The following HKDC1 variants were observed in gnomAD, a reference collection of about 807,000 sequenced individuals.
HKDC1 encodes hexokinase HKDC1.
HKDC1 carries 66 observed loss-of-function variants against 96.6 expected under a neutral mutation model. The observed-to-expected ratio is 0.68, with a 90% CI of 0.56 to 0.84. The LOEUF (loss-of-function observed/expected upper bound fraction) is 0.84. Ranked by LOEUF, HKDC1 falls within the 40% of genes least tolerant of loss-of-function variation. The probability of loss-of-function intolerance (pLI) is 0.00; values close to 1 mark genes in which losing one functional copy is unlikely to be tolerated. For missense variants in HKDC1, 1,211 were observed against 1,208.1 expected (o/e 1.00, Z -0.04); for synonymous variants, 466 against 473.1 (o/e 0.98, Z 0.20).
intron 12 of HKDC1, among the ~76,000 whole-genome samples, chr10:69,254,375 C>G (rs1843689463): frequency 1.3e-5 from 2 of 152,168 alleles, no homozygotes; most frequent in Non-Finnish European, 2.9e-5. Flanking sequence ...AAATTTCCCA[C>G]TGTGACTATT....
chr10:69,253,464 G>A (rs918721110), intron 12 of HKDC1, among the ~76,000 whole-genome samples: 2 of 152,222 alleles, frequency 1.3e-5, no homozygotes, highest in Non-Finnish European at 2.9e-5. Context: ...GTGTTCGAGA[G>A]CACAGGCTCT....
intron 1 of HKDC1, among the ~76,000 whole-genome samples, chr10:69,221,243 TA>T (rs2132324566): frequency 6.6e-6 from 1 of 152,324 alleles, no homozygotes; most frequent in Non-Finnish European, 1.5e-5. Context: ...CAATAGACAG[TA>T]ATTGAAATAT....
chr10:69,266,717 C>T lies in HKDC1; in HGVS notation c.2714C>T (p.Ala905Val). Reference protein sequence around the residue: ...GSGKGAALITAVAKRLQQAQK... With the variant: ...GSGKGAALITVVAKRLQQAQK... Reference sequence around the variant, plus strand: ...GGAAAAGGGGCAGCACTGATCACTGCTGTGGCCAAGAGGTTACAGCAGGCA... The same window carrying T: ...GGAAAAGGGGCAGCACTGATCACTGTTGTGGCCAAGAGGTTACAGCAGGCA... The change falls in exon 18 of 18, where the codon GCT becomes GTT. Residue 905 changes from alanine to valine, a missense_variant. By Grantham distance (64) the Ala-to-Val change is moderately conservative (BLOSUM62 0). Coordinates refer to ENST00000354624, the MANE Select transcript of HKDC1 (RefSeq NM_025130.4). The T allele has an allele frequency of 6.2e-7, 1 of 1,614,116 alleles. No individual in the cohort carries two copies. The highest frequency in any genetic ancestry group is 8.5e-7 in the Non-Finnish European group (1 of 1,179,992).
At chr10:69,242,506 C>T (rs1465035529) in intron 6 of HKDC1, among the ~76,000 whole-genome samples, 3 of 148,668 alleles carry the variant, frequency 2.0e-5, no homozygotes, top group Admixed American at 6.7e-5. Context: ...TTTAGGTATA[C>T]GATTCAATGA....
chr10:69,234,098 C>T (rs940148277), intron 4 of HKDC1, among the ~76,000 whole-genome samples: 2 of 151,918 alleles, frequency 1.3e-5, no homozygotes, highest in Admixed American at 6.6e-5. Context: ...AATAAGGGGA[C>T]GTTCTGGGGC....
At chr10:69,235,447 C>G (rs1350693654) in intron 4 of HKDC1, among the ~76,000 whole-genome samples, 1 of 109,326 alleles carries the variant, frequency 9.1e-6, no homozygotes, top group Admixed American at 8.3e-5. Context: ...CAAAAAACAA[C>G]AACAAGCAAA....
intron 5 of HKDC1, among the ~76,000 whole-genome samples, chr10:69,239,766 CTT>C (rs33937984): frequency 3.9e-5 from 5 of 126,634 alleles, no homozygotes; most frequent in African/African-American, 3.0e-5. Flanking sequence ...TTTCATTTTA[CTT>C]TTTTTTTTTT....
intron 2 of HKDC1, 122 bp from the exon 3 acceptor site, chr10:69,232,642 G>A: frequency 2.2e-6 from 2 of 913,590 alleles, no homozygotes; most frequent in Non-Finnish European, 3.4e-6. Flanking sequence ...TGGCAAATGA[G>A]CATAATGATA....
At chr10:69,253,288 G>A (rs1047478364) in intron 12 of HKDC1, among the ~76,000 whole-genome samples, 1 of 152,252 alleles carries the variant, frequency 6.6e-6, no homozygotes, top group East Asian at 1.9e-4. Flanking sequence ...TGAGGCTGGG[G>A]CAGAGCTGTC....
chr10:69,240,449 G>A (rs1256936312), intron 5 of HKDC1, among the ~76,000 whole-genome samples: 1 of 152,110 alleles, frequency 6.6e-6, no homozygotes, highest in African/African-American at 2.4e-5. Flanking sequence ...AAGAGGATGG[G>A]CTCCCCTCTT....
At chr10:69,255,198 C>A (rs968598625) in intron 12 of HKDC1, among the ~76,000 whole-genome samples, 4 of 152,002 alleles carry the variant, frequency 2.6e-5, no homozygotes, top group African/African-American at 9.7e-5. Flanking sequence ...CCGTGGGCAG[C>A]TAAAAGTAAA....
At chr10:69,227,418 G>C (rs1474614150) in intron 2 of HKDC1, 49 bp downstream of exon 2, 1 of 1,607,546 alleles carries the variant, frequency 6.2e-7, no homozygotes, top group Admixed American at 1.7e-5. Flanking sequence ...CTTGGCTGAT[G>C]GGTGTCTAAA....
At chr10:69,244,830 A>AAT (rs1012421813) in intron 7 of HKDC1, among the ~76,000 whole-genome samples, 36 of 151,514 alleles carry the variant, frequency 2.4e-4, no homozygotes, top group Admixed American at 4.6e-4. Flanking sequence ...TGTCTCAAAA[A>AAT]ATATATATAT....
intron 12 of HKDC1, among the ~76,000 whole-genome samples, chr10:69,251,657 T>C (rs1282595794): frequency 6.6e-6 from 1 of 152,204 alleles, no homozygotes; most frequent in African/African-American, 2.4e-5. Context: ...TTTATTTTCT[T>C]TCAACAATCC....
chr10:69,266,783 A>G lies in HKDC1; in HGVS notation c.*26A>G. On this transcript the variant is annotated 3_prime_UTR_variant, in exon 18 of 18. Transcript: ENST00000354624. ...GAACCCCTGGGATTGGACCTGATGCATCTTGGATACTGAACAGCTTTTCCT... is the reference window on the plus strand; with the variant it reads ...GAACCCCTGGGATTGGACCTGATGCGTCTTGGATACTGAACAGCTTTTCCT... 5.0e-6 allele frequency: 8 copies of G among 1,603,568 alleles called. No individual in the cohort carries two copies. Among genetic ancestry groups the G allele is most frequent in the Non-Finnish European group, 6.8e-6 (8 of 1,175,200 alleles).
At chr10:69,246,851 C>T (rs1050488723) in intron 8 of HKDC1, among the ~76,000 whole-genome samples, 1 of 152,202 alleles carries the variant, frequency 6.6e-6, no homozygotes, top group Admixed American at 6.5e-5. Context: ...CTTGGCATCG[C>T]CTTGACTTTG....
intron 10 of HKDC1, chr10:69,249,005 A>C (rs1843592445): frequency 6.8e-6 from 2 of 292,048 alleles, no homozygotes; most frequent in Non-Finnish European, 1.3e-5. Context: ...ACATGAGTGT[A>C]CCCCCCCCGA....
intron 15 of HKDC1, among the ~76,000 whole-genome samples, chr10:69,260,514 T>C (rs184013319): frequency 6.6e-6 from 1 of 152,310 alleles, no homozygotes; most frequent in African/African-American, 2.4e-5. Flanking sequence ...TCACCATTTT[T>C]TGTTCTGGTG....
Position 69,258,878 on chromosome 10 carries a change from G to A in HKDC1, c.2135G>A (p.Gly712Glu). 6.2e-7 allele frequency: 1 copy of A among 1,613,084 alleles called. No homozygotes were observed. Among genetic ancestry groups the A allele is most frequent in the Non-Finnish European group, 8.5e-7 (1 of 1,179,720 alleles). The change falls in exon 15 of 18, where the codon GGA becomes GAA. Residue 712 changes from glycine to glutamate, a missense_variant. Gly to Glu is a moderately conservative substitution (Grantham distance 98). Transcript: ENST00000354624. ...ATCAATACAGAGTGGGGAGGATTTG[G>A]AGACAATGGCTGCATAGATGACATC... ...MCINTEWGGF[G>E]DNGCIDDIWT...
Sources: allele counts gnomAD v4.1 joint callset (sites outside exome capture counted in the v4.1 genomes callset), GRCh38; gene constraint gnomAD v4.1.1; transcripts MANE v1.5; gene names NCBI Gene and HGNC (gene_info 2026-07-23, HGNC 2026-07-21).